TRAPPC14: variants seen among roughly 807,000 people sequenced by gnomAD.
TRAPPC14 encodes the protein microtubule associated protein 11.
Under a neutral mutation model 56.6 loss-of-function variants are expected in TRAPPC14, and 24 were observed. The ratio of observed to expected loss-of-function variants is 0.42; its 90% CI spans 0.31 to 0.60. The LOEUF is 0.60. Ranked by LOEUF, TRAPPC14 falls within the 20% of genes least tolerant of loss-of-function variation. The pLI is 0.14. For missense variants in TRAPPC14, 615 were observed against 790.3 expected (o/e 0.78, Z 2.66); for synonymous variants, 377 against 347.0 (o/e 1.09, Z -0.96).
intron 10 of TRAPPC14, 30 bp from the exon 11 acceptor site, chr7:100,155,194 G>A: frequency 1.2e-6 from 2 of 1,608,732 alleles, no homozygotes; most frequent in African/African-American, 2.7e-5. Flanking sequence ...GTGGGCGCTG[G>A]TCAGACCCGG....
intron 8 of TRAPPC14, chr7:100,156,140 T>C: frequency 1.6e-6 from 1 of 614,908 alleles, no homozygotes; most frequent in Non-Finnish European, 2.9e-6. Flanking sequence ...GAAGTAGAGT[T>C]CACACCAGCG....
chr7:100,155,927 G>A (rs1798869904), intron 8 of TRAPPC14, 102 bp from the exon 9 acceptor site: 1 of 1,437,438 alleles, frequency 7.0e-7, no homozygotes. Flanking sequence ...ACTCTGTGGA[G>A]TAAACTGAGC....
In TRAPPC14 at chr7:100,156,899, G is replaced by C; in HGVS notation, c.939C>G (p.His313Gln). Reference protein sequence around the residue: ...FPCPLNALEEHNFLFQLRGGE... With the variant: ...FPCPLNALEEQNFLFQLRGGE... ...CCCCTCTCAGCTGAAACAGGAAGTT[G>C]TGTTCCTCCAGGGCATTCAGCGGGC... The change falls in exon 6 of 11, where the codon CAC (histidine) becomes CAG (glutamine). Residue 313 changes from histidine (H) to glutamine (Q), a missense_variant. Transcript: ENST00000316937. The C allele has an allele frequency of 6.2e-7, 1 of 1,614,128 alleles. No homozygotes were observed. The highest frequency in any genetic ancestry group is 8.5e-7 in the Non-Finnish European group (1 of 1,180,036).
rs1345145564 is a variant in TRAPPC14, at chr7:100,158,096, G to A, written c.404C>T (p.Ala135Val). The change falls in exon 1 of 11, where the codon GCG becomes GTG. Residue 135 changes from alanine to valine, a missense_variant. Ala to Val is a moderately conservative substitution (Grantham distance 64). Transcript: ENST00000316937. The stretch of plus-strand genomic sequence containing the variant: ...TCCCCCAAAGCTCCTCACCGTGGTC[G>A]CTCCCCCTGAGGTAGCAGGGCCCGG... The part of the protein sequence containing the change: ...HGPGPATSGG[A>V]TTLPVEEPIV... 2 of 1,485,986 alleles carry A rather than the reference G, an allele frequency of 1.3e-6. No homozygotes were observed. Among genetic ancestry groups the A allele is most frequent in the Non-Finnish European group, 1.8e-6 (2 of 1,118,708 alleles). 92.1% of individuals were successfully genotyped at this position (1,485,986 alleles called of 1,614,324 possible).
chr7:100,155,919 T>G, intron 8 of TRAPPC14, 94 bp from the exon 9 acceptor site: 1 of 1,493,310 alleles, frequency 6.7e-7, no homozygotes, highest in Non-Finnish European at 9.3e-7. Context: ...TCAAAGCCAC[T>G]CTGTGGAGTA....
In TRAPPC14 at chr7:100,156,838, T is replaced by C. The variant is rs769526424; in HGVS notation, c.993+7A>G. 1.2e-6 allele frequency: 2 copies of C among 1,613,974 alleles called. No homozygotes were observed. The highest frequency in any genetic ancestry group is 1.7e-6 in the Non-Finnish European group (2 of 1,179,950). On this transcript the variant is annotated splice_region_variant and intron_variant, in intron 6 of 10. Transcript: ENST00000316937. The stretch of plus-strand genomic sequence containing the variant: ...TTTCTTTGAACACACCAGCCCCTTA[T>C]GCTCACCTCCTTGGCCCCTGGAGGG...
chr7:100,156,762 C>T, intron 6 of TRAPPC14, 46 bp from the exon 7 acceptor site: 1 of 1,600,160 alleles, frequency 6.2e-7, no homozygotes, highest in East Asian at 2.2e-5. Flanking sequence ...AAGAGTGCCC[C>T]TCCCATCTTG....
At position 100,157,100 on chromosome 7, in the gene TRAPPC14, T is replaced by C. The variant is rs556602758; in HGVS notation, c.839A>G (p.Asn280Ser). Residue 280 changes from asparagine (N) to serine (S), a missense_variant, in exon 5 of 11, where the codon AAT becomes AGT. Asn to Ser is a conservative substitution (Grantham distance 46). Coordinates refer to ENST00000316937, the MANE Select transcript of TRAPPC14 (RefSeq NM_018275.5). ...MPDGSVLLVD[N>S]VCHQSGEVSM... ...GCCCCTCCCAGGACCTCACCAGACA[T>C]TGTCCACCAGCAGCACAGAGCCATC... 8 of 1,614,104 alleles carry C rather than the reference T, an allele frequency of 5.0e-6. No homozygotes were observed. Among genetic ancestry groups the C allele is most frequent in the East Asian group, 4.5e-5 (2 of 44,872 alleles).
chr7:100,157,696 A>G lies in TRAPPC14; in HGVS notation c.574T>C (p.Leu192=). The part of the protein sequence containing the change: ...PEVRDQGYLR[L]LQTRSPGETF... ...TCCCCAGGAGATCGGGTCTGCAGCA[A>G]TCGCAGGTAGCCTTGATCTCTGACC... is the stretch of plus-strand genomic sequence containing the variant. The change falls in exon 3 of 11, where the codon TTG becomes CTG. Residue 192 remains leucine (L), a synonymous_variant. Coordinates refer to ENST00000316937, the MANE Select transcript of TRAPPC14 (RefSeq NM_018275.5). 1.2e-6 allele frequency: 2 copies of G among 1,614,218 alleles called. No homozygotes were observed. The highest frequency in any genetic ancestry group is 1.1e-5 in the South Asian group (1 of 91,088).
Position 100,156,560 on chromosome 7 carries a change from TGA to T in TRAPPC14, c.1077-13_1077-12del, listed in dbSNP as rs763822132. The T allele has an allele frequency of 3.4e-5, 55 of 1,613,414 alleles. No homozygotes were observed. Among genetic ancestry groups the T allele is most frequent in the Middle Eastern group, 1.6e-4 (1 of 6,084 alleles). ...CGGACACTGGGCAGGCTAGGAGTGGTGAGAGAGGGATGCTGGCTGTGTGTGTC... is the reference window on the plus strand; with the variant it reads ...CGGACACTGGGCAGGCTAGGAGTGGTGAGAGGGATGCTGGCTGTGTGTGTC... On this transcript the variant is annotated splice_polypyrimidine_tract_variant and intron_variant, in intron 7 of 10. Transcript: ENST00000316937.
At position 100,154,999 on chromosome 7, in the gene TRAPPC14, G is replaced by A. The variant is rs773756245; in HGVS notation, c.*12C>T. On this transcript the variant is annotated 3_prime_UTR_variant, in exon 11 of 11. Transcript: ENST00000316937. ...TCTCTGGAGTGTAAGAGGGAACAGA[G>A]CTGGCACGGTGCTACTTGACGGGTT... 3 of 1,614,032 alleles carry A rather than the reference G, an allele frequency of 1.9e-6. No individual in the cohort carries two copies. The highest frequency in any genetic ancestry group is 2.5e-6 in the Non-Finnish European group (3 of 1,179,886).
At position 100,156,400 on chromosome 7, in the gene TRAPPC14, T is replaced by G; in HGVS notation, c.1226A>C (p.Glu409Ala). ...FLAVRLVWTP[E>A]HAQAGKQLCE... ...AGCTGACCTACCAGCCTGTGCATGC[T>G]CTGGGGTCCACACGAGCCTCACAGC... The change falls in exon 8 of 11, where the codon GAG (glutamate) becomes GCG (alanine). Residue 409 changes from glutamate to alanine, a missense_variant. Coordinates refer to ENST00000316937, the MANE Select transcript of TRAPPC14 (RefSeq NM_018275.5). 6.2e-7 allele frequency: 1 copy of G among 1,614,108 alleles called. No homozygotes were observed. Among genetic ancestry groups the G allele is most frequent in the Non-Finnish European group, 8.5e-7 (1 of 1,179,992 alleles).
Position 100,155,444 on chromosome 7 carries a change from G to A in TRAPPC14, c.1407C>T (p.His469=), listed in dbSNP as rs1798857875. 2 of 1,524,778 alleles carry A rather than the reference G, an allele frequency of 1.3e-6. No individual in the cohort carries two copies. Among genetic ancestry groups the A allele is most frequent in the Non-Finnish European group, 1.8e-6 (2 of 1,133,778 alleles). 94.5% of individuals were successfully genotyped at this position (1,524,778 alleles called of 1,614,324 possible). A position where few individuals can be genotyped will look rare whatever the true frequency, so the allele number is the denominator to read the frequency against. ...LRTGLFELSQ[H]MKLKLQFTAS... ...CGGTGAACTGCAGCTTCAGTTTCAT[G>A]TGCTGGCTTAGCTGGGGGGAGACAC... The change falls in exon 10 of 11, where the codon CAC becomes CAT. Residue 469 remains histidine, a synonymous_variant. Transcript: ENST00000316937.
At position 100,158,654 on chromosome 7, in the gene TRAPPC14, AACCCGAACCGAGACCCGGCAGC is replaced by A; in HGVS notation, c.-177_-156del. 1 of 683,178 alleles carries A rather than the reference AACCCGAACCGAGACCCGGCAGC, an allele frequency of 1.5e-6. No individual in the cohort carries two copies. Among genetic ancestry groups the A allele is most frequent in the Non-Finnish European group, 2.1e-6 (1 of 484,672 alleles). The allele number at this position is 683,178 out of a possible 1,614,324, so 42.3% of individuals were successfully genotyped here. A position where few individuals can be genotyped will look rare whatever the true frequency, so the allele number is the denominator to read the frequency against. On this transcript the variant is annotated 5_prime_UTR_variant, in exon 1 of 11. Transcript: ENST00000316937. ...GCCCGGTCCCGGCACCGGGGCAACG[AACCCGAACCGAGACCCGGCAGC>A]GCCGGAACCGGGGTACTGAGCCGAA... is the stretch of plus-strand genomic sequence containing the variant.
chr7:100,158,515 G>A lies in TRAPPC14; in HGVS notation c.-16C>T, dbSNP rs753705714. 6.9e-4 allele frequency: 901 copies of A among 1,310,240 alleles called. 1 individual carries two copies. The highest frequency in any genetic ancestry group is 8.1e-4 in the Non-Finnish European group (839 of 1,031,564). 81.2% of individuals were successfully genotyped at this position (1,310,240 alleles called of 1,614,324 possible). A position where few individuals can be genotyped will look rare whatever the true frequency, so the allele number is the denominator to read the frequency against. On this transcript the variant is annotated 5_prime_UTR_variant, in exon 1 of 11. Coordinates refer to ENST00000316937, the MANE Select transcript of TRAPPC14 (RefSeq NM_018275.5). ...GGGACTCCATGGGGCGGCGAGGACGGCGCGACTGGGAGCCCGGACCGGAGG... is the reference window on the plus strand; with the variant it reads ...GGGACTCCATGGGGCGGCGAGGACGACGCGACTGGGAGCCCGGACCGGAGG...
At position 100,157,255 on chromosome 7, in the gene TRAPPC14, C is replaced by T. The variant is rs750422447; in HGVS notation, c.725-41G>A. 3.7e-6 allele frequency: 6 copies of T among 1,613,834 alleles called. No individual in the cohort carries two copies. In the South Asian group the frequency reaches 6.6e-5, roughly 18 times the overall value. On this transcript the variant is annotated intron_variant, in intron 4 of 10. Coordinates refer to ENST00000316937, the MANE Select transcript of TRAPPC14 (RefSeq NM_018275.5). Reference sequence around the variant, plus strand: ...AGCTTGGCTCAGAATAGCTGGACCCCTCAGGCCCCACCTTTACCCAGAAAA... The same window carrying T: ...AGCTTGGCTCAGAATAGCTGGACCCTTCAGGCCCCACCTTTACCCAGAAAA...
In TRAPPC14 at chr7:100,155,415, C is replaced by T. The variant is rs1327275772; in HGVS notation, c.1436G>A (p.Ser479Asn). Reference sequence around the variant, plus strand: ...GGCCTCGGGTGGAGGGTGGGACACGCTGGCGGTGAACTGCAGCTTCAGTTT... The same window carrying T: ...GGCCTCGGGTGGAGGGTGGGACACGTTGGCGGTGAACTGCAGCTTCAGTTT... ...HMKLKLQFTA[S>N]VSHPPPEARP... The change falls in exon 10 of 11, where the codon AGC becomes AAC. Residue 479 changes from serine to asparagine, a missense_variant. Transcript: ENST00000316937. 2 of 1,538,574 alleles carry T rather than the reference C, an allele frequency of 1.3e-6. No individual in the cohort carries two copies. Among genetic ancestry groups the T allele is most frequent in the Admixed American group, 2.0e-5 (1 of 49,376 alleles).
rs1218412093 is a variant in TRAPPC14 at position 100,156,435 on chromosome 7, T to C, written c.1191A>G (p.Gln397=). 6.2e-7 allele frequency: 1 copy of C among 1,614,128 alleles called. No homozygotes were observed. The highest frequency in any genetic ancestry group is 2.2e-5 in the East Asian group (1 of 44,886). Residue 397 remains glutamine, a synonymous_variant, in exon 8 of 11, where the codon CAA becomes CAG. Transcript: ENST00000316937. ...ACACGAGCCTCACAGCAAGGAAGTCTTGGAGATTGTTAAGCAGCGTGTAGG... is the reference window on the plus strand; with the variant it reads ...ACACGAGCCTCACAGCAAGGAAGTCCTGGAGATTGTTAAGCAGCGTGTAGG... ...TVTYTLLNNL[Q]DFLAVRLVWT...
chr7:100,158,199 C>A lies in TRAPPC14; in HGVS notation c.301G>T (p.Asp101Tyr). ...MPGGGGAGDQ[D>Y]SEPPGGGDPG... Reference sequence around the variant, plus strand: ...TCCCCTCCCCCTGGGGGCTCCGAATCCTGGTCGCCGGCGCCGCCGCCCCCC... The same window carrying A: ...TCCCCTCCCCCTGGGGGCTCCGAATACTGGTCGCCGGCGCCGCCGCCCCCC... Residue 101 changes from aspartate (D) to tyrosine (Y), a missense_variant, in exon 1 of 11, where the codon GAT becomes TAT. Asp to Tyr is a radical substitution (Grantham distance 160). Coordinates refer to ENST00000316937, the MANE Select transcript of TRAPPC14 (RefSeq NM_018275.5). 1 of 1,458,206 alleles carries A rather than the reference C, an allele frequency of 6.9e-7. No individual in the cohort carries two copies. The highest frequency in any genetic ancestry group is 9.0e-7 in the Non-Finnish European group (1 of 1,114,226). 90.3% of individuals were successfully genotyped at this position (1,458,206 alleles called of 1,614,324 possible).
Sources: gnomAD v4.1 joint callset for allele counts on GRCh38, gnomAD v4.1.1 for gene constraint, MANE v1.5 for transcripts, NCBI Gene and HGNC (gene_info 2026-07-23, HGNC 2026-07-21) for gene names.